CDH12: variants seen among roughly 807,000 people sequenced by gnomAD.
The protein encoded by CDH12 is cadherin 12.
A neutral mutation model predicts 74.1 loss-of-function variants in CDH12; 41 were observed. The ratio of observed to expected loss-of-function variants is 0.55; its 90% CI spans 0.43 to 0.72. The LOEUF (loss-of-function observed/expected upper bound fraction) is 0.72, where lower values mean the gene tolerates loss of function less well. Ranked by LOEUF, CDH12 falls within the 30% of genes least tolerant of loss-of-function variation. The probability of loss-of-function intolerance (pLI) is 0.00; values close to 1 mark genes in which losing one functional copy is unlikely to be tolerated. For missense variants in CDH12, 945 were observed against 977.2 expected (o/e 0.97, Z 0.44); for synonymous variants, 399 against 355.0 (o/e 1.12, Z -1.39).
At chr5:22,430,709 A>G (rs1744134380) in intron 2 of CDH12, among the ~76,000 whole-genome samples, 1 of 152,176 alleles carries the variant, frequency 6.6e-6, no homozygotes, top group Non-Finnish European at 1.5e-5. Context: ...ATAAGTGGCT[A>G]TTATACAATA....
intron 5 of CDH12, among the ~76,000 whole-genome samples, chr5:22,056,460 A>G (rs2150199951): frequency 6.6e-6 from 1 of 152,286 alleles, no homozygotes; most frequent in African/African-American, 2.4e-5. Flanking sequence ...TTGATAAGAG[A>G]AGGAGAGCTT....
At chr5:22,174,706 T>C (rs1749230288) in intron 4 of CDH12, among the ~76,000 whole-genome samples, 1 of 151,956 alleles carries the variant, frequency 6.6e-6, no homozygotes. Flanking sequence ...TGAGTCAAAA[T>C]ACACTAAAAA....
At chr5:21,867,829 A>G (rs115359603) in intron 6 of CDH12, among the ~76,000 whole-genome samples, 1,843 of 152,266 alleles carry the variant, frequency 0.012, 13 homozygotes, top group Admixed American at 0.019. Context: ...ATTGGCTTTT[A>G]AATGTGAGGA....
At chr5:22,120,008 A>G (rs1745410636) in intron 4 of CDH12, among the ~76,000 whole-genome samples, 1 of 152,182 alleles carries the variant, frequency 6.6e-6, no homozygotes, top group African/African-American at 2.4e-5. Flanking sequence ...AGCAAAGTGT[A>G]ACAAACTTGC....
intron 3 of CDH12, among the ~76,000 whole-genome samples, chr5:22,292,126 C>G (rs1737413751): frequency 6.6e-6 from 1 of 152,034 alleles, no homozygotes; most frequent in South Asian, 2.1e-4. Context: ...ATAAATGATT[C>G]TGGCAGCACT....
chr5:21,874,981 T>C (rs1751851786), intron 6 of CDH12, among the ~76,000 whole-genome samples: 1 of 152,170 alleles, frequency 6.6e-6, no homozygotes, highest in South Asian at 2.1e-4. Flanking sequence ...TGCCACCATC[T>C]TGGGCACTCT....
chr5:22,596,940 C>A (rs1239417563), intron 1 of CDH12, among the ~76,000 whole-genome samples: 1 of 152,104 alleles, frequency 6.6e-6, no homozygotes, highest in Non-Finnish European at 1.5e-5. Flanking sequence ...GATGAAATAT[C>A]CAGGGCCAAA....
intron 5 of CDH12, among the ~76,000 whole-genome samples, chr5:22,021,034 G>A (rs1273930667): frequency 1.3e-5 from 2 of 152,080 alleles, no homozygotes; most frequent in Admixed American, 6.6e-5. Context: ...GAAATGCTTG[G>A]GACGAGAAGT....
chr5:22,535,970 A>T (rs1009341347), intron 1 of CDH12, among the ~76,000 whole-genome samples: 1 of 152,252 alleles, frequency 6.6e-6, no homozygotes, highest in Non-Finnish European at 1.5e-5. Flanking sequence ...GCAACTATTT[A>T]CATAGCATTT....
chr5:22,137,860 T>A (rs1169958327), intron 4 of CDH12, among the ~76,000 whole-genome samples: 2 of 152,236 alleles, frequency 1.3e-5, no homozygotes, highest in South Asian at 4.1e-4. Flanking sequence ...CACCTGCAAT[T>A]TCTCTGGATA....
At chr5:22,021,718 C>T (rs1183585157) in intron 5 of CDH12, among the ~76,000 whole-genome samples, 3 of 152,084 alleles carry the variant, frequency 2.0e-5, no homozygotes, top group East Asian at 3.9e-4. Context: ...TGAGTTAATG[C>T]TAATAGTTGA....
chr5:21,752,162 T>C lies in CDH12; in HGVS notation c.1960A>G (p.Arg654Gly). 1 of 1,614,112 alleles carries C rather than the reference T, an allele frequency of 6.2e-7. No homozygotes were observed. The highest frequency in any genetic ancestry group is 8.5e-7 in the Non-Finnish European group (1 of 1,179,968). ...TCATCGTAATGGATGACGTTGTCTC[T>C]GATGTCTTCTTTAGAGGTCATCAGG... Reference protein sequence around the residue: ...DTLMTSKEDIRDNVIHYDDEG... With the variant: ...DTLMTSKEDIGDNVIHYDDEG... The change falls in exon 15 of 15, where the codon AGA (arginine) becomes GGA (glycine). Residue 654 changes from arginine (R) to glycine (G), a missense_variant. Physicochemically the swap from Arg to Gly is moderately radical, Grantham distance 125. Coordinates refer to ENST00000382254, the MANE Select transcript of CDH12 (RefSeq NM_004061.5).
chr5:22,184,552 TGAA>T (rs1231703188), intron 4 of CDH12, among the ~76,000 whole-genome samples: 1 of 152,086 alleles, frequency 6.6e-6, no homozygotes, highest in African/African-American at 2.4e-5. Context: ...CCAAAGCAAA[TGAA>T]GAATAACTGC....
intron 8 of CDH12, among the ~76,000 whole-genome samples, chr5:21,827,074 T>C (rs1748716981): frequency 6.6e-6 from 1 of 152,122 alleles, no homozygotes; most frequent in Non-Finnish European, 1.5e-5. Flanking sequence ...TAGAACCTAC[T>C]ATCAGTCTAC....
intron 3 of CDH12, among the ~76,000 whole-genome samples, chr5:22,382,633 T>C (rs1391980115): frequency 1.3e-5 from 2 of 152,126 alleles, no homozygotes; most frequent in African/African-American, 4.8e-5. Context: ...AAACACTTTA[T>C]TGGTTTCTTA....
At chr5:22,128,336 C>T in intron 4 of CDH12, among the ~76,000 whole-genome samples, 1 of 151,994 alleles carries the variant, frequency 6.6e-6, no homozygotes, top group African/African-American at 2.4e-5. Flanking sequence ...CTTAGACTGG[C>T]AAATTTACAT....
intron 3 of CDH12, among the ~76,000 whole-genome samples, chr5:22,397,994 A>G (rs1282539534): frequency 2.0e-5 from 3 of 152,134 alleles, no homozygotes; most frequent in Non-Finnish European, 4.4e-5. Flanking sequence ...CAGGATTTTA[A>G]TAAAATGAAG....
chr5:22,620,327 A>G (rs1310553951), intron 1 of CDH12, among the ~76,000 whole-genome samples: 4 of 152,068 alleles, frequency 2.6e-5, no homozygotes, highest in African/African-American at 9.7e-5. Flanking sequence ...TAAGAAAAAT[A>G]ATGAAGGGAA....
intron 3 of CDH12, among the ~76,000 whole-genome samples, chr5:22,388,267 T>C (rs995943724): frequency 6.6e-6 from 1 of 151,960 alleles, no homozygotes; most frequent in African/African-American, 2.4e-5. Context: ...ATAGACACAA[T>C]AGAAAAGTCC....
Sources: allele counts gnomAD v4.1 joint callset (sites outside exome capture counted in the v4.1 genomes callset), GRCh38; gene constraint gnomAD v4.1.1; transcripts MANE v1.5; gene names NCBI Gene and HGNC (gene_info 2026-07-23, HGNC 2026-07-21).